Variants in HECW2 observed in about 807,000 individuals in gnomAD.
HECW2 encodes the protein E3 ubiquitin-protein ligase HECW2.
In HECW2, 61 loss-of-function variants were observed where a neutral mutation model predicts 175.2. That is an observed-to-expected ratio of 0.35 (90% CI 0.28 to 0.43). The LOEUF (loss-of-function observed/expected upper bound fraction) is 0.43. Ranked by LOEUF, HECW2 falls within the 20% of genes least tolerant of loss-of-function variation. HECW2 has a pLI of 1.00. For missense variants in HECW2, 1,524 were observed against 2,000.5 expected (o/e 0.76, Z 4.54); for synonymous variants, 671 against 731.0 (o/e 0.92, Z 1.32).
chr2:196,296,232 G>A (rs534069383), intron 13 of HECW2, among the ~76,000 whole-genome samples: 10 of 152,226 alleles, frequency 6.6e-5, no homozygotes, highest in African/African-American at 1.9e-4. Flanking sequence ...GAACTACAGT[G>A]CAGATTCTAG....
intron 28 of HECW2, among the ~76,000 whole-genome samples, chr2:196,203,666 T>C (rs867990078): frequency 3.3e-5 from 5 of 152,216 alleles, no homozygotes; most frequent in African/African-American, 9.7e-5. Flanking sequence ...CATATGTTCA[T>C]CTCTCTTGCC....
intron 1 of HECW2, among the ~76,000 whole-genome samples, chr2:196,576,473 T>G (rs941841305): frequency 6.6e-6 from 1 of 152,200 alleles, no homozygotes; most frequent in Non-Finnish European, 1.5e-5. Flanking sequence ...AGACAAGTAC[T>G]GCATGATCTC....
chr2:196,297,494 C>G (rs1420183162), intron 13 of HECW2, among the ~76,000 whole-genome samples: 2 of 152,178 alleles, frequency 1.3e-5, no homozygotes, highest in Non-Finnish European at 2.9e-5. Flanking sequence ...TCTTGTCAAC[C>G]ACAATGGAAA....
chr2:196,205,700 G>A (rs6748485), intron 28 of HECW2, among the ~76,000 whole-genome samples: 13,478 of 152,138 alleles, frequency 0.089, 1,029 homozygotes, highest in African/African-American at 0.21. Flanking sequence ...GAGATTTTTG[G>A]TTGCACCCCT....
chr2:196,526,422 A>C (rs1424271045), intron 1 of HECW2, among the ~76,000 whole-genome samples: 2 of 149,216 alleles, frequency 1.3e-5, no homozygotes, highest in Non-Finnish European at 3.0e-5. Flanking sequence ...CTTTGGTTTG[A>C]ATGTCCTCCC....
chr2:196,253,619 C>A (rs186149798), intron 19 of HECW2, among the ~76,000 whole-genome samples: 2 of 152,238 alleles, frequency 1.3e-5, no homozygotes, highest in East Asian at 3.9e-4. Flanking sequence ...CTAGAACTTT[C>A]TAAAGTCAAA....
intron 16 of HECW2, among the ~76,000 whole-genome samples, chr2:196,272,803 G>T (rs1411313680): frequency 6.6e-6 from 1 of 152,038 alleles, no homozygotes; most frequent in African/African-American, 2.4e-5. Context: ...TAGTGCGTCT[G>T]AGCTCAGAGC....
At chr2:196,242,682 C>CTTTTTTTTT (rs1157719695) in intron 19 of HECW2, 3 of 86,696 alleles carry the variant, frequency 3.5e-5, no homozygotes, top group African/African-American at 9.8e-5. Context: ...CCTCATGAAA[C>CTTTTTTTTT]TTTTTTTTTT....
chr2:196,219,989 T>A (rs1370288489), intron 26 of HECW2, 50 bp downstream of exon 26: 2 of 1,227,502 alleles, frequency 1.6e-6, no homozygotes, highest in South Asian at 2.4e-5. Context: ...GAACCATGCC[T>A]TCCTTTAATT....
At chr2:196,229,853 C>T (rs1162869754) in intron 21 of HECW2, among the ~76,000 whole-genome samples, 1 of 152,156 alleles carries the variant, frequency 6.6e-6, no homozygotes, top group Non-Finnish European at 1.5e-5. Flanking sequence ...CTTTGTCTTA[C>T]ACAATCTTTA....
chr2:196,339,707 C>A (rs1307934361), intron 3 of HECW2, among the ~76,000 whole-genome samples: 2 of 152,196 alleles, frequency 1.3e-5, no homozygotes, highest in Admixed American at 6.5e-5. Flanking sequence ...GACATTCTGG[C>A]CTGCCAGTAC....
At chr2:196,252,998 T>C (rs546042119) in intron 19 of HECW2, among the ~76,000 whole-genome samples, 1 of 152,364 alleles carries the variant, frequency 6.6e-6, no homozygotes, top group Non-Finnish European at 1.5e-5. Flanking sequence ...GAAGAAACTG[T>C]ATTATTCATC....
intron 26 of HECW2, 92 bp from the exon 27 acceptor site, chr2:196,217,185 C>A (rs748084833): frequency 2.4e-6 from 2 of 823,968 alleles, no homozygotes; most frequent in Non-Finnish European, 4.0e-6. Flanking sequence ...AGACATAAAT[C>A]ATCCTCTTGA....
chr2:196,540,220 T>A (rs1689165430), intron 1 of HECW2, among the ~76,000 whole-genome samples: 1 of 152,194 alleles, frequency 6.6e-6, no homozygotes, highest in South Asian at 2.1e-4. Context: ...AAGATTAAAA[T>A]TTTTTAAATA....
In HECW2 at chr2:196,549,448, A is replaced by G. The variant is rs181417924; in HGVS notation, c.-36+44060T>C. ...TGTGAGTGAAACGATATTGTAATAC[A>G]TTATTTAGAGTCTTTTTTTTACTCA... On this transcript the variant is annotated intron_variant, in intron 1 of 28. Coordinates refer to ENST00000644978, the MANE Select transcript of HECW2 (RefSeq NM_001348768.2). 1.1e-4 allele frequency among the ~76,000 whole-genome samples: 16 copies of G among 152,216 alleles called. No homozygotes were observed. In the East Asian group the frequency reaches 3.1e-3, roughly 29 times the overall value.
At chr2:196,563,727 G>A (rs573656647) in intron 1 of HECW2, among the ~76,000 whole-genome samples, 1 of 152,146 alleles carries the variant, frequency 6.6e-6, no homozygotes, top group East Asian at 1.9e-4. Flanking sequence ...TGATCATCAA[G>A]TATTAAATAT....
chr2:196,319,134 C>T lies in HECW2; in HGVS notation c.1756G>A (p.Asp586Asn), dbSNP rs372647088. The change falls in exon 9 of 29, where the codon GAT becomes AAT. Residue 586 changes from aspartate (D) to asparagine (N), a missense_variant. Asp to Asn is a conservative substitution (Grantham distance 23). Transcript: ENST00000644978. ...GCTCTTCGGCTTCCTCCTGATGCAT[C>T]GGAAGTCCCTGTGTCTGCGCCACTT... ...PTSGADTGTS[D>N]ASGGSRRAVS... The T allele has an allele frequency of 1.7e-5, 27 of 1,593,264 alleles. No homozygotes were observed. In the Admixed American group the frequency reaches 2.4e-4, roughly 14 times the overall value.
At position 196,234,646 on chromosome 2, in the gene HECW2, A is replaced by G. The variant is rs373337017; in HGVS notation, c.3764+5803T>C. ...CTTTAGTTGCTAGGACTTTTAATTCAAAAGAAAATAATACACTGGAGAATG... is the reference window on the plus strand; with the variant it reads ...CTTTAGTTGCTAGGACTTTTAATTCGAAAGAAAATAATACACTGGAGAATG... On this transcript the variant is annotated intron_variant, in intron 21 of 28. Transcript: ENST00000644978. Among the ~76,000 whole-genome samples, 18 of 152,258 alleles carry G rather than the reference A, an allele frequency of 1.2e-4. 1 individual carries two copies. Among genetic ancestry groups the G allele is most frequent in the African/African-American group, 4.3e-4 (18 of 41,536 alleles).
chr2:196,343,588 A>C, intron 3 of HECW2, 69 bp downstream of exon 3: 1 of 938,536 alleles, frequency 1.1e-6, no homozygotes, highest in South Asian at 1.5e-5. Flanking sequence ...ATTCAAAAAG[A>C]CTCCATAGAA....
Sources: allele counts gnomAD v4.1 joint callset (sites outside exome capture counted in the v4.1 genomes callset), GRCh38; gene constraint gnomAD v4.1.1; transcripts MANE v1.5; gene names NCBI Gene and HGNC (gene_info 2026-07-23, HGNC 2026-07-21).